Variants in RAB31 observed in about 807,000 individuals in gnomAD.
The protein encoded by RAB31 is ras-related protein Rab-31.
Under a neutral mutation model 25.6 loss-of-function variants are expected in RAB31, and 21 were observed. The ratio of observed to expected loss-of-function variants is 0.82; its 90% CI spans 0.58 to 1.18. RAB31 has a LOEUF of 1.18. Ranked by LOEUF, RAB31 falls within the 50% of genes most tolerant of loss-of-function variation. The pLI, the probability that RAB31 is intolerant of heterozygous loss-of-function variation, is 0.00. For synonymous variants in RAB31, 87 were observed against 84.0 expected (o/e 1.04, Z -0.20); for missense variants, 196 against 250.1 (o/e 0.78, Z 1.46).
At chr18:9,748,924 A>G (rs1256212374) in intron 1 of RAB31, among the ~76,000 whole-genome samples, 3 of 152,068 alleles carry the variant, frequency 2.0e-5, no homozygotes, top group Admixed American at 6.6e-5. Context: ...AATATAAGAA[A>G]TGTATAGAAT....
At chr18:9,779,124 A>G (rs2068389274) in intron 2 of RAB31, among the ~76,000 whole-genome samples, 1 of 152,172 alleles carries the variant, frequency 6.6e-6, no homozygotes, top group African/African-American at 2.4e-5. Context: ...CATGACATTC[A>G]AACCCATGTT....
chr18:9,749,702 C>T (rs1293703076), intron 1 of RAB31, among the ~76,000 whole-genome samples: 1 of 152,184 alleles, frequency 6.6e-6, no homozygotes, highest in Non-Finnish European at 1.5e-5. Flanking sequence ...CAGAATTGTT[C>T]CCATGAATGG....
intron 1 of RAB31, among the ~76,000 whole-genome samples, chr18:9,709,484 G>T (rs1378528): frequency 0.47 from 70,715 of 152,068 alleles, 17,900 homozygotes; most frequent in Non-Finnish European, 0.57. Flanking sequence ...GATCTGTCAA[G>T]ATGGGGGTAC....
At position 9,859,675 on chromosome 18, in the gene RAB31, T is replaced by C. The variant is rs2143161348; in HGVS notation, c.*350T>C. 1 of 170,406 alleles carries C rather than the reference T, an allele frequency of 5.9e-6. No individual in the cohort carries two copies. Among genetic ancestry groups the C allele is most frequent in the East Asian group, 1.6e-4 (1 of 6,310 alleles). 10.6% of individuals were successfully genotyped at this position (170,406 alleles called of 1,614,324 possible). On this transcript the variant is annotated 3_prime_UTR_variant, in exon 7 of 7. Coordinates refer to ENST00000578921, the MANE Select transcript of RAB31 (RefSeq NM_006868.4). ...ATGTGTATGGGATTCTAAAGTGGCA[T>C]TCCACTTGGATTTCCTGTGCTACCT...
rs532202856 is a variant in RAB31, at chr18:9,825,605, A to G, written c.380+10383A>G. ...CATTTTAAAAAGTGATCCTTTTACA[A>G]GTGGTCCAAGGGTCATTCTCGGAAA... is the stretch of plus-strand genomic sequence containing the variant. On this transcript the variant is annotated intron_variant, in intron 5 of 6. Transcript: ENST00000578921. Among the ~76,000 whole-genome samples, 13 of 152,290 alleles carry G rather than the reference A, an allele frequency of 8.5e-5. No homozygotes were observed. The East Asian group carries it at 2.3e-3, about 27-fold the overall frequency.
At chr18:9,776,861 G>C (rs1395012008) in intron 2 of RAB31, among the ~76,000 whole-genome samples, 1 of 152,132 alleles carries the variant, frequency 6.6e-6, no homozygotes, top group Non-Finnish European at 1.5e-5. Context: ...GATGCTTGCT[G>C]TGCAGGTTGA....
At chr18:9,780,800 C>T (rs1359890391) in intron 2 of RAB31, among the ~76,000 whole-genome samples, 2 of 152,060 alleles carry the variant, frequency 1.3e-5, no homozygotes, top group Non-Finnish European at 2.9e-5. Context: ...CATGGTGGTG[C>T]ACGCCTGTAA....
intron 1 of RAB31, among the ~76,000 whole-genome samples, chr18:9,733,889 A>T (rs576596915): frequency 2.8e-4 from 43 of 152,108 alleles, no homozygotes; most frequent in African/African-American, 1.0e-3. Context: ...AATAGGAGGC[A>T]TGGTTACTGG....
intron 3 of RAB31, among the ~76,000 whole-genome samples, chr18:9,804,336 G>A (rs2143055222): frequency 6.6e-6 from 1 of 152,322 alleles, no homozygotes; most frequent in South Asian, 2.1e-4. Context: ...TTGCTGATGT[G>A]TGTTTTAGTC....
At chr18:9,734,179 A>G (rs1180013049) in intron 1 of RAB31, among the ~76,000 whole-genome samples, 1 of 152,094 alleles carries the variant, frequency 6.6e-6, no homozygotes, top group Non-Finnish European at 1.5e-5. Flanking sequence ...AAGAGCTAGT[A>G]TCTATCGCAC....
rs76884085 is a variant in RAB31, at chr18:9,814,159, A to G, written c.273+68A>G. 11,599 of 1,218,428 alleles carry G rather than the reference A, an allele frequency of 9.5e-3. 331 individuals carry two copies. The East Asian group carries it at 0.1, about 11-fold the overall frequency. 75.5% of individuals were successfully genotyped at this position (1,218,428 alleles called of 1,614,324 possible). On this transcript the variant is annotated intron_variant, in intron 4 of 6. Transcript: ENST00000578921. ...TTCTCTCACTTAGAGAGACTGGAGC[A>G]GAGACGTCACTGCTTGCATCTTGCC...
intron 1 of RAB31, among the ~76,000 whole-genome samples, chr18:9,760,688 A>C (rs2068283686): frequency 6.6e-6 from 1 of 152,114 alleles, no homozygotes; most frequent in South Asian, 2.1e-4. Flanking sequence ...GGCTGTGGGC[A>C]ATCTGCAGGG....
chr18:9,768,849 T>A (rs911054203), intron 1 of RAB31, among the ~76,000 whole-genome samples: 1 of 152,242 alleles, frequency 6.6e-6, no homozygotes, highest in African/African-American at 2.4e-5. Flanking sequence ...AAATCTTTAA[T>A]CCATCTTGAG....
chr18:9,859,084 G>GA (rs1441091154), intron 6 of RAB31, 144 bp from the exon 7 acceptor site: 73 of 649,968 alleles, frequency 1.1e-4, no homozygotes, highest in Non-Finnish European at 1.9e-4. Flanking sequence ...GGAAGGAAAG[G>GA]AAGGAAGGAG....
chr18:9,776,142 G>A (rs2068371256), intron 2 of RAB31, among the ~76,000 whole-genome samples: 1 of 152,178 alleles, frequency 6.6e-6, no homozygotes, highest in Non-Finnish European at 1.5e-5. Context: ...TGTGGGGAGG[G>A]GTGGAAGTGC....
At chr18:9,788,454 C>T (rs2068444337) in intron 2 of RAB31, among the ~76,000 whole-genome samples, 2 of 152,202 alleles carry the variant, frequency 1.3e-5, no homozygotes, top group Admixed American at 1.3e-4. Context: ...AAATTAAGCA[C>T]TGTGTACATT....
At chr18:9,756,286 A>G (rs977112351) in intron 1 of RAB31, among the ~76,000 whole-genome samples, 1 of 152,208 alleles carries the variant, frequency 6.6e-6, no homozygotes, top group Admixed American at 6.5e-5. Context: ...TGAGTCAAAA[A>G]CCATTATTAT....
intron 1 of RAB31, among the ~76,000 whole-genome samples, chr18:9,711,717 T>G (rs553016033): frequency 1.3e-5 from 2 of 152,346 alleles, no homozygotes; most frequent in South Asian, 2.1e-4. Flanking sequence ...GACACCTCCC[T>G]GAAGTCTTGC....
rs147617510 is a variant in RAB31, at chr18:9,729,202, A to G, written c.39+20758A>G. On this transcript the variant is annotated intron_variant, in intron 1 of 6. Transcript: ENST00000578921. Reference sequence around the variant, plus strand: ...CAATCTTTTGTGATTTTGATGTTTTATGTCTTGCTTAGAAAATCCTTCTCT... The same window carrying G: ...CAATCTTTTGTGATTTTGATGTTTTGTGTCTTGCTTAGAAAATCCTTCTCT... 5.3e-5 allele frequency among the ~76,000 whole-genome samples: 8 copies of G among 152,256 alleles called. No individual in the cohort carries two copies. In the East Asian group the frequency reaches 9.6e-4, roughly 18 times the overall value.
Sources: allele counts gnomAD v4.1 joint callset (sites outside exome capture counted in the v4.1 genomes callset), GRCh38; gene constraint gnomAD v4.1.1; transcripts MANE v1.5; gene names NCBI Gene and HGNC (gene_info 2026-07-23, HGNC 2026-07-21).